TBC1D31: variants seen among roughly 807,000 people sequenced by gnomAD.
TBC1D31 encodes WD repeat domain 67.
In TBC1D31, 99 loss-of-function variants were observed where a neutral mutation model predicts 132.9. That is an observed-to-expected ratio of 0.74 (90% CI 0.63 to 0.88). The LOEUF (loss-of-function observed/expected upper bound fraction) is 0.88, where lower values mean the gene tolerates loss of function less well. Ranked by LOEUF, TBC1D31 falls within the 40% of genes least tolerant of loss-of-function variation. The pLI, the probability that TBC1D31 is intolerant of heterozygous loss-of-function variation, is 0.00. For synonymous variants in TBC1D31, 385 were observed against 419.4 expected (o/e 0.92, Z 1.00); for missense variants, 1,134 against 1,256.6 (o/e 0.90, Z 1.48).
chr8:123,120,000 T>G (rs1011609627), intron 10 of TBC1D31, 55 bp from the exon 11 acceptor site: 1 of 1,409,582 alleles, frequency 7.1e-7, no homozygotes, highest in Non-Finnish European at 9.5e-7. Context: ...ATTTTTATCA[T>G]GTGAAGATAT....
At chr8:123,091,751 A>G (rs985870301) in intron 4 of TBC1D31, among the ~76,000 whole-genome samples, 6 of 152,234 alleles carry the variant, frequency 3.9e-5, no homozygotes, top group African/African-American at 1.4e-4. Context: ...AACTTTTACG[A>G]GAAAATATTG....
intron 10 of TBC1D31, among the ~76,000 whole-genome samples, chr8:123,117,183 C>T (rs1355299292): frequency 1.3e-5 from 2 of 151,036 alleles, no homozygotes; most frequent in Non-Finnish European, 3.0e-5. Flanking sequence ...GGCATGGTGG[C>T]ATGCACCTGT....
At position 123,072,743 on chromosome 8, in the gene TBC1D31, C is replaced by T. The variant is rs111639292; in HGVS notation, c.-27C>T. On this transcript the variant is annotated 5_prime_UTR_variant, in exon 1 of 22. Coordinates refer to ENST00000287380, the MANE Select transcript of TBC1D31 (RefSeq NM_145647.4). ...GCGCTGGGACGGTTACCCAGCGGGC[C>T]GCCGGCGGTCGTGGGCAAGCTTCGC... The T allele has an allele frequency of 1.3e-6, 2 of 1,550,944 alleles. No homozygotes were observed. The highest frequency in any genetic ancestry group is 2.4e-5 in the East Asian group (1 of 40,980).
At chr8:123,074,107 C>T (rs1814227850) in intron 1 of TBC1D31, among the ~76,000 whole-genome samples, 1 of 151,928 alleles carries the variant, frequency 6.6e-6, no homozygotes, top group Non-Finnish European at 1.5e-5. Flanking sequence ...TCTCGGCTCA[C>T]TGCAACCTCC....
At chr8:123,153,501 C>G (rs887953915), downstream of TBC1D31, among the ~76,000 whole-genome samples, 3 of 152,190 alleles carry the variant, frequency 2.0e-5, no homozygotes, top group Non-Finnish European at 2.9e-5. Context: ...TTCTTTTTAT[C>G]ACATGCTTCC....
intron 2 of TBC1D31, among the ~76,000 whole-genome samples, chr8:123,078,696 A>G (rs114624655): frequency 0.014 from 2,065 of 152,316 alleles, 18 homozygotes; most frequent in African/African-American, 0.032. Flanking sequence ...GGATGTGTCA[A>G]AAAGACACAG....
Position 123,077,167 on chromosome 8 carries a change from T to C in TBC1D31, c.134T>C (p.Phe45Ser). 6.2e-7 allele frequency: 1 copy of C among 1,613,100 alleles called. No individual in the cohort carries two copies. Among genetic ancestry groups the C allele is most frequent in the Non-Finnish European group, 8.5e-7 (1 of 1,179,652 alleles). Residue 45 changes from phenylalanine to serine, a missense_variant, in exon 2 of 22, where the codon TTT becomes TCT. By Grantham distance (155) the Phe-to-Ser change is radical. Transcript: ENST00000287380. ...TSDYHPKVLR[F>S]LNVAFDGTGD... The stretch of plus-strand genomic sequence containing the variant: ...GATTACCATCCAAAAGTTTTGCGAT[T>C]TTTGAATGTGGCTTTTGATGGCACA...
At chr8:123,148,617 G>A (rs1460970763) in intron 20 of TBC1D31, among the ~76,000 whole-genome samples, 3 of 152,180 alleles carry the variant, frequency 2.0e-5, no homozygotes, top group Admixed American at 6.5e-5. Flanking sequence ...CCTGATTCGC[G>A]TCTTGTCTGT....
intron 2 of TBC1D31, among the ~76,000 whole-genome samples, chr8:123,081,696 C>T (rs1050779681): frequency 6.6e-6 from 1 of 152,112 alleles, no homozygotes; most frequent in African/African-American, 2.4e-5. Context: ...CTGGGGAGGC[C>T]TCACAATCAT....
chr8:123,114,569 G>A (rs186917482), intron 10 of TBC1D31, among the ~76,000 whole-genome samples: 54 of 152,222 alleles, frequency 3.5e-4, no homozygotes, highest in African/African-American at 1.2e-3. Context: ...TGATCTGCTC[G>A]CCTCGGCCTC....
At chr8:123,085,002 C>A (rs953106741) in intron 4 of TBC1D31, among the ~76,000 whole-genome samples, 2 of 151,722 alleles carry the variant, frequency 1.3e-5, no homozygotes, top group Non-Finnish European at 2.9e-5. Flanking sequence ...GTTGGCCAGG[C>A]TTGTCTCAAA....
the TBC1D31 span, among the ~76,000 whole-genome samples, chr8:123,165,118 C>A: frequency 2.0e-5 from 3 of 152,238 alleles, no homozygotes; most frequent in African/African-American, 7.2e-5. Flanking sequence ...ATCCTGTCAA[C>A]ACCTTCAACC....
chr8:123,155,225 C>A (rs1394549322), downstream of TBC1D31, among the ~76,000 whole-genome samples: 1 of 152,152 alleles, frequency 6.6e-6, no homozygotes, highest in Non-Finnish European at 1.5e-5. This position sits in a 1 kb window ranked among gnomAD's most constrained non-coding sequence, Gnocchi z 4.1. Flanking sequence ...CAATGCCATG[C>A]TCTGGGCCCA....
intron 6 of TBC1D31, among the ~76,000 whole-genome samples, chr8:123,100,217 C>T (rs1387136306): frequency 6.6e-6 from 1 of 152,150 alleles, no homozygotes; most frequent in Non-Finnish European, 1.5e-5. Flanking sequence ...GATAGGTTCC[C>T]TCCTGGTTCT....
intron 5 of TBC1D31, among the ~76,000 whole-genome samples, chr8:123,095,738 T>G (rs1031396870): frequency 6.6e-6 from 1 of 152,202 alleles, no homozygotes; most frequent in African/African-American, 2.4e-5. Context: ...GTTCCAAGCT[T>G]ATCTTGTACA....
intron 5 of TBC1D31, among the ~76,000 whole-genome samples, chr8:123,097,036 A>T (rs1816900360): frequency 6.6e-6 from 1 of 152,228 alleles, no homozygotes; most frequent in South Asian, 2.1e-4. Context: ...AGGTAAAAAA[A>T]ATATATACTA....
intron 20 of TBC1D31, among the ~76,000 whole-genome samples, chr8:123,148,731 T>C (rs1013776491): frequency 2.0e-5 from 3 of 152,182 alleles, no homozygotes; most frequent in African/African-American, 7.2e-5. Context: ...TTTGGAGTTA[T>C]TTCTGGCCAG....
intron 1 of TBC1D31, chr8:123,073,227 A>T (rs1814094579): frequency 1.7e-5 from 8 of 471,080 alleles, no homozygotes; most frequent in South Asian, 1.3e-4. Context: ...CTCCAGGAGG[A>T]GATGCGGGGT....
chr8:123,091,198 AT>A (rs1816291353), intron 4 of TBC1D31, among the ~76,000 whole-genome samples: 1 of 152,124 alleles, frequency 6.6e-6, no homozygotes, highest in South Asian at 2.1e-4. Flanking sequence ...ATTAGGAACA[AT>A]TTTATAATCA....
Sources: gnomAD v4.1 joint callset for allele counts (sites outside exome capture counted in the v4.1 genomes callset) on GRCh38, gnomAD v4.1.1 for gene constraint, Gnocchi (gnomAD v3.1) non-coding constraint, MANE v1.5 for transcripts, NCBI Gene and HGNC (gene_info 2026-07-23, HGNC 2026-07-21) for gene names.